Variants in CCDC148 observed in about 807,000 individuals in gnomAD.
The protein encoded by CCDC148 is coiled-coil domain-containing protein 148.
Under a neutral mutation model 85.7 loss-of-function variants are expected in CCDC148, and 89 were observed. The observed-to-expected ratio is 1.04, with a 90% CI of 0.87 to 1.24. CCDC148 has a LOEUF of 1.24. Among genes scored for constraint, CCDC148 ranks in the 50% most tolerant of loss-of-function variants. The pLI, the probability that CCDC148 is intolerant of heterozygous loss-of-function variation, is 0.00. For missense variants in CCDC148, 692 were observed against 671.7 expected (o/e 1.03, Z -0.33); for synonymous variants, 230 against 213.9 (o/e 1.08, Z -0.66).
At chr2:158,436,422 A>G (rs1213716753) in intron 1 of CCDC148, among the ~76,000 whole-genome samples, 3 of 152,244 alleles carry the variant, frequency 2.0e-5, no homozygotes, top group African/African-American at 7.2e-5. Flanking sequence ...TGTTCTTTGA[A>G]ACCAATGAGA....
chr2:158,294,821 C>CA (rs1409801880), intron 9 of CCDC148, among the ~76,000 whole-genome samples: 2,064 of 28,314 alleles, frequency 0.073, 137 homozygotes, highest in African/African-American at 0.2. Flanking sequence ...AAGACTCTGT[C>CA]AAAAAAAAAA....
intron 9 of CCDC148, among the ~76,000 whole-genome samples, chr2:158,300,880 C>G (rs1272578355): frequency 6.6e-6 from 1 of 152,124 alleles, no homozygotes; most frequent in Non-Finnish European, 1.5e-5. Flanking sequence ...GACAGGGACT[C>G]ACTCTGTCAC....
intron 11 of CCDC148, among the ~76,000 whole-genome samples, chr2:158,181,940 G>A (rs193197745): frequency 1.4e-4 from 22 of 151,982 alleles, no homozygotes; most frequent in African/African-American, 4.8e-4. Flanking sequence ...GATCTAGGAT[G>A]GGGGAAGAGT....
chr2:158,435,545 A>G (rs1687604982), intron 1 of CCDC148, among the ~76,000 whole-genome samples: 1 of 152,182 alleles, frequency 6.6e-6, no homozygotes, highest in South Asian at 2.1e-4. Context: ...AAAGACCATC[A>G]ATGCTAGGAA....
At chr2:158,203,810 TA>T (rs1407977755) in intron 11 of CCDC148, among the ~76,000 whole-genome samples, 1 of 152,212 alleles carries the variant, frequency 6.6e-6, no homozygotes, top group Non-Finnish European at 1.5e-5. Flanking sequence ...GTATGAAATG[TA>T]GGAACACTTA....
intron 1 of CCDC148, among the ~76,000 whole-genome samples, chr2:158,390,475 T>C (rs1685258051): frequency 6.6e-6 from 1 of 152,166 alleles, no homozygotes; most frequent in African/African-American, 2.4e-5. Flanking sequence ...GGCTGCAAAT[T>C]AACTGTTGCA....
chr2:158,219,562 T>A (rs1231079867), intron 11 of CCDC148, among the ~76,000 whole-genome samples: 2 of 152,200 alleles, frequency 1.3e-5, no homozygotes, highest in Non-Finnish European at 2.9e-5. Flanking sequence ...GGGACACAAG[T>A]GTTGCTGTGT....
At chr2:158,435,393 G>A (rs886160097) in intron 1 of CCDC148, among the ~76,000 whole-genome samples, 2 of 152,134 alleles carry the variant, frequency 1.3e-5, no homozygotes, top group Non-Finnish European at 2.9e-5. Context: ...CATAAGTGAA[G>A]GAGAAATAAA....
At chr2:158,188,707 C>G (rs182223639) in intron 11 of CCDC148, among the ~76,000 whole-genome samples, 104 of 151,830 alleles carry the variant, frequency 6.8e-4, no homozygotes, top group African/African-American at 2.4e-3. Context: ...ACTAAGTCTT[C>G]TAAAAATGCA....
Position 158,303,530 on chromosome 2 carries a change from G to A in CCDC148, c.1110+5903C>T, listed in dbSNP as rs147782791. 4.8e-3 allele frequency among the ~76,000 whole-genome samples: 726 copies of A among 152,312 alleles called. 3 individuals are homozygous for A. The highest frequency in any genetic ancestry group is 0.016 in the African/African-American group (664 of 41,558). ...GCATATTTTAACATTTTAAGTGACT[G>A]AAGAATTTATAGATTTACTTATTTT... On this transcript the variant is annotated intron_variant, in intron 9 of 13. Transcript: ENST00000283233.
Position 158,216,541 on chromosome 2 carries a change from T to TA in CCDC148, c.1370+4053_1370+4054insT, listed in dbSNP as rs555529837. Among the ~76,000 whole-genome samples, 7 of 151,650 alleles carry TA rather than the reference T, an allele frequency of 4.6e-5. No individual in the cohort carries two copies. The South Asian group carries it at 1.5e-3, about 32-fold the overall frequency. On this transcript the variant is annotated intron_variant, in intron 11 of 13. Transcript: ENST00000283233. ...CCTCCTGAGTAGCTGGGATTACAGG[T>TA]GCGTGCCACCATGCCTGGCTAAAAA... is the stretch of plus-strand genomic sequence containing the variant.
chr2:158,437,595 C>T (rs528662680), intron 1 of CCDC148, among the ~76,000 whole-genome samples: 2 of 152,274 alleles, frequency 1.3e-5, no homozygotes, highest in South Asian at 4.1e-4. Context: ...TCTCACCCCT[C>T]CTATTCAACA....
chr2:158,392,281 G>T (rs1574741792), intron 1 of CCDC148, among the ~76,000 whole-genome samples: 2 of 152,102 alleles, frequency 1.3e-5, no homozygotes, highest in East Asian at 3.9e-4. Flanking sequence ...TCTCTATTCT[G>T]CAACAGCTCT....
At chr2:158,281,243 C>G (rs1203313027) in intron 9 of CCDC148, among the ~76,000 whole-genome samples, 9 of 151,934 alleles carry the variant, frequency 5.9e-5, no homozygotes, top group African/African-American at 7.3e-5. Flanking sequence ...CAAACACATT[C>G]AAAAGCTAGC....
chr2:158,242,590 C>G lies in CCDC148; in HGVS notation c.1251+8182G>C, dbSNP rs867870445. Among the ~76,000 whole-genome samples the G allele has an allele frequency of 3.3e-5, 5 of 151,900 alleles. No individual in the cohort carries two copies. The South Asian group carries it at 1.0e-3, about 32-fold the overall frequency. On this transcript the variant is annotated intron_variant, in intron 10 of 13. Transcript: ENST00000283233. ...TGAGCCATTCCCCACTTGCAGTGGG[C>G]TCACTGAATTCATGGCCTTCCACAT...
At chr2:158,296,343 A>T (rs181421218) in intron 9 of CCDC148, among the ~76,000 whole-genome samples, 8 of 152,262 alleles carry the variant, frequency 5.3e-5, no homozygotes, top group Non-Finnish European at 1.0e-4. Context: ...TCTTCATTGA[A>T]CTGACTGCAT....
rs980467515 is a variant in CCDC148, at chr2:158,171,849, C to A, written c.*264G>T. ...AACATAACCTCCAACATGTAGTTTA[C>A]TAAATTATAGTATAAGTACTATATG... On this transcript the variant is annotated 3_prime_UTR_variant, in exon 14 of 14. Coordinates refer to ENST00000283233, the MANE Select transcript of CCDC148 (RefSeq NM_138803.4). 2.7e-5 allele frequency: 6 copies of A among 219,420 alleles called. No homozygotes were observed. Among genetic ancestry groups the A allele is most frequent in the Admixed American group, 5.8e-5 (1 of 17,226 alleles). The allele number at this position is 219,420 out of a possible 1,614,324, so 13.6% of individuals were successfully genotyped here.
intron 9 of CCDC148, among the ~76,000 whole-genome samples, chr2:158,299,790 A>G (rs1691358715): frequency 6.6e-6 from 1 of 152,190 alleles, no homozygotes; most frequent in African/African-American, 2.4e-5. Flanking sequence ...ACAGCAAAGG[A>G]GGCTGAAATC....
chr2:158,190,702 G>T (rs1685383601), intron 11 of CCDC148, among the ~76,000 whole-genome samples: 1 of 152,062 alleles, frequency 6.6e-6, no homozygotes, highest in Non-Finnish European at 1.5e-5. Context: ...AGTTGTGTAA[G>T]AAGGGAACTT....
Sources: gnomAD v4.1 joint callset for allele counts (sites outside exome capture counted in the v4.1 genomes callset) on GRCh38, gnomAD v4.1.1 for gene constraint, MANE v1.5 for transcripts, NCBI Gene and HGNC (gene_info 2026-07-23, HGNC 2026-07-21) for gene names.